ERMARD: variants seen among roughly 807,000 people sequenced by gnomAD.
ERMARD encodes ER membrane associated RNA degradation.
Under a neutral mutation model 83.9 loss-of-function variants are expected in ERMARD, and 71 were observed. The observed-to-expected ratio is 0.85, with a 90% CI of 0.70 to 1.03. The LOEUF is 1.03. ERMARD is among the 50% of genes least tolerant of loss of function. The pLI, the probability that ERMARD is intolerant of heterozygous loss-of-function variation, is 0.00. For missense variants in ERMARD, 838 were observed against 810.9 expected, an observed-to-expected ratio of 1.03 and a Z score of -0.41; for synonymous variants, 284 against 298.6, an observed-to-expected ratio of 0.95 and a Z score of 0.50.
At position 169,754,028 on chromosome 6, in the gene ERMARD, G is replaced by C. The variant is rs187725532; in HGVS notation, c.171G>C (p.Glu57Asp). ...TCACAGACTGTGTGAGCTACACAGA[G>C]TCAGGTTTGTGCTGTCTTTGTACTC... The part of the protein sequence containing the change: ...KTITDCVSYT[E>D]SEQGLDYWGS... The change falls in exon 2 of 18, where the codon GAG becomes GAC. Residue 57 changes from glutamate (E) to aspartate (D), a missense_variant. Physicochemically the swap from Glu to Asp is conservative, Grantham distance 45. Coordinates refer to ENST00000366773, the MANE Select transcript of ERMARD (RefSeq NM_018341.3). The C allele has an allele frequency of 4.1e-5, 66 of 1,609,242 alleles. 1 individual carries two copies. In the Middle Eastern group the frequency reaches 2.5e-3, roughly 61 times the overall value.
At position 169,755,348 on chromosome 6, in the gene ERMARD, C is replaced by T. The variant is rs137971039; in HGVS notation, c.241C>T (p.His81Tyr). The T allele has an allele frequency of 1.6e-4, 258 of 1,614,194 alleles. 1 individual carries two copies. In the African/African-American group the frequency reaches 2.4e-3, roughly 15 times the overall value. Residue 81 changes from histidine (H) to tyrosine (Y), a missense_variant, in exon 3 of 18, where the codon CAT (histidine) becomes TAT (tyrosine). Coordinates refer to ENST00000366773, the MANE Select transcript of ERMARD (RefSeq NM_018341.3). ...LGPVCEAVHSHFLSLTKGQFE... is the reference protein window; with the variant it reads ...LGPVCEAVHSYFLSLTKGQFE... ...CCCTGTGTGTGAGGCTGTCCATTCA[C>T]ATTTCTTATCTCTGACCAAGGGGCA...
chr6:169,777,472 C>T (rs926390489), intron 16 of ERMARD, among the ~76,000 whole-genome samples: 2 of 152,154 alleles, frequency 1.3e-5, no homozygotes, highest in African/African-American at 4.8e-5. Context: ...TTGGCTTTTC[C>T]CTTTGGCTTA....
rs745535810 is a variant in ERMARD at position 169,773,348 on chromosome 6, T to C, written c.1263T>C (p.Ser421=). 1 of 1,614,190 alleles carries C rather than the reference T, an allele frequency of 6.2e-7. No homozygotes were observed. The highest frequency in any genetic ancestry group is 1.1e-5 in the South Asian group (1 of 91,070). Residue 421 remains serine, a synonymous_variant, in exon 13 of 18, where the codon AGT becomes AGC. Coordinates refer to ENST00000366773, the MANE Select transcript of ERMARD (RefSeq NM_018341.3). Reference sequence around the variant, plus strand: ...AATCAGCCGTAGAATTGTTGATTAGTCTTGCAGAAGGCTATAGTTCTCGCT... The same window carrying C: ...AATCAGCCGTAGAATTGTTGATTAGCCTTGCAGAAGGCTATAGTTCTCGCT... ...KEKSAVELLI[S]LAEGYSSRCH... is the part of the protein sequence containing the mutation.
chr6:169,778,176 G>A (rs897273018), intron 16 of ERMARD, among the ~76,000 whole-genome samples: 1 of 152,186 alleles, frequency 6.6e-6, no homozygotes, highest in African/African-American at 2.4e-5. Context: ...TTCTCCACAC[G>A]GGCAGTGGCC....
intron 17 of ERMARD, 113 bp downstream of exon 17, chr6:169,779,408 C>A: frequency 1.1e-6 from 1 of 880,044 alleles, no homozygotes; most frequent in South Asian, 1.4e-5. Flanking sequence ...TTGGTGGCCC[C>A]ACCGCCATCT....
intron 12 of ERMARD, among the ~76,000 whole-genome samples, chr6:169,772,235 G>C (rs1050026890): frequency 6.6e-6 from 1 of 152,198 alleles, no homozygotes; most frequent in African/African-American, 2.4e-5. Flanking sequence ...GCCCTCGGAT[G>C]GGTTCACATC....
chr6:169,763,214 A>G (rs2128349059), intron 9 of ERMARD, among the ~76,000 whole-genome samples: 1 of 152,306 alleles, frequency 6.6e-6, no homozygotes, highest in East Asian at 1.9e-4. Context: ...ATATGGCTGC[A>G]GTGACTGAAA....
intron 8 of ERMARD, among the ~76,000 whole-genome samples, chr6:169,762,058 T>C (rs558591900): frequency 3.3e-5 from 5 of 152,274 alleles, no homozygotes; most frequent in African/African-American, 1.2e-4. Context: ...CAGCAGTTAT[T>C]GTGATGTTGG....
chr6:169,764,249 TTTAG>T (rs770135690), intron 9 of ERMARD, among the ~76,000 whole-genome samples: 9 of 151,976 alleles, frequency 5.9e-5, no homozygotes, highest in Non-Finnish European at 1.2e-4. Flanking sequence ...GATTCTTTTT[TTTAG>T]TTAGTTTTTT....
intron 14 of ERMARD, 125 bp from the exon 15 acceptor site, chr6:169,775,815 A>G: frequency 2.4e-6 from 3 of 1,245,738 alleles, no homozygotes; most frequent in Non-Finnish European, 3.3e-6. Flanking sequence ...TTTCCATTTT[A>G]TATTTGAGGA....
At chr6:169,780,857 G>GA (rs72295628) in intron 17 of ERMARD, among the ~76,000 whole-genome samples, 18 of 150,276 alleles carry the variant, frequency 1.2e-4, no homozygotes, top group African/African-American at 3.7e-4. Context: ...ATCAATGTGG[G>GA]AAAAAAAAAC....
chr6:169,756,931 A>T (rs1790888756), intron 5 of ERMARD, 123 bp downstream of exon 5: 1 of 844,064 alleles, frequency 1.2e-6, no homozygotes, highest in African/African-American at 1.7e-5. Context: ...ATGGCTGAGG[A>T]GGCCTCAGAA....
chr6:169,772,165 T>C (rs917748421), intron 12 of ERMARD: 7 of 152,350 alleles, frequency 4.6e-5, no homozygotes, highest in African/African-American at 1.7e-4. Context: ...GCCCTTCACC[T>C]TGTCGTAACA....
chr6:169,767,841 CAT>C, intron 10 of ERMARD: 1 of 500,832 alleles, frequency 2.0e-6, no homozygotes, highest in East Asian at 3.5e-5. Flanking sequence ...TGCACATACA[CAT>C]ATACACACCA....
At chr6:169,759,183 G>A in intron 6 of ERMARD, 118 bp downstream of exon 6, 1 of 889,392 alleles carries the variant, frequency 1.1e-6, no homozygotes, top group South Asian at 1.6e-5. Flanking sequence ...TTTGAGATAG[G>A]ATTTTGAAGC....
intron 17 of ERMARD, among the ~76,000 whole-genome samples, chr6:169,779,820 C>A (rs1289524093): frequency 6.6e-6 from 1 of 152,124 alleles, no homozygotes; most frequent in African/African-American, 2.4e-5. Flanking sequence ...TCGGGAAGTC[C>A]ACTTTTAGGA....
At chr6:169,776,215 GT>G in intron 15 of ERMARD, 150 bp downstream of exon 15, 1 of 1,516,554 alleles carries the variant, frequency 6.6e-7, no homozygotes, top group East Asian at 2.4e-5. Flanking sequence ...TATGAGATAA[GT>G]TTTGACAATC....
intron 13 of ERMARD, among the ~76,000 whole-genome samples, chr6:169,775,049 G>T (rs1486050122): frequency 3.3e-5 from 5 of 152,178 alleles, no homozygotes; most frequent in Non-Finnish European, 7.3e-5. Context: ...CATGGTCATA[G>T]CCACCCCAGA....
intron 1 of ERMARD, chr6:169,751,979 G>T: frequency 4.8e-6 from 2 of 419,128 alleles, no homozygotes; most frequent in Non-Finnish European, 8.4e-6. Context: ...GCGGAAAGCC[G>T]CAGGTCGGGC....
Sources: allele counts gnomAD v4.1 joint callset (sites outside exome capture counted in the v4.1 genomes callset), GRCh38; gene constraint gnomAD v4.1.1; transcripts MANE v1.5; gene names NCBI Gene and HGNC (gene_info 2026-07-23, HGNC 2026-07-21).